The following ARHGAP8 variants were observed in gnomAD, a reference collection of about 807,000 sequenced individuals.
ARHGAP8 encodes the protein rho GTPase-activating protein 8.
A neutral mutation model predicts 46.1 loss-of-function variants in ARHGAP8; 62 were observed. The observed-to-expected ratio is 1.34, with a 90% confidence interval of 1.10 to 1.66. The LOEUF (loss-of-function observed/expected upper bound fraction) is 1.66. Among genes scored for constraint, ARHGAP8 ranks in the 40% most tolerant of loss-of-function variants. ARHGAP8 has a pLI of 0.00. For synonymous variants in ARHGAP8, 375 were observed against 243.1 expected (o/e 1.54, Z -5.05); for missense variants, 923 against 568.4 (o/e 1.62, Z -6.34).
chr22:44,757,574 G>A (rs1924783341), intron 1 of ARHGAP8, among the ~76,000 whole-genome samples: 1 of 152,166 alleles, frequency 6.6e-6, no homozygotes, highest in Admixed American at 6.5e-5. Context: ...ACCATGCCTG[G>A]CCCTTTGATC....
chr22:44,825,510 C>A lies in ARHGAP8; in HGVS notation c.513C>A (p.His171Gln). 1 of 1,613,384 alleles carries A rather than the reference C, an allele frequency of 6.2e-7. No homozygotes were observed. Among genetic ancestry groups the A allele is most frequent in the Non-Finnish European group, 8.5e-7 (1 of 1,179,826 alleles). Residue 171 changes from histidine to glutamine, a missense_variant, in exon 7 of 12, where the codon CAC becomes CAA. Coordinates refer to ENST00000356099, the MANE Select transcript of ARHGAP8 (RefSeq NM_181335.3). Reference sequence around the variant, plus strand: ...ACGATGAGAAGCTCCAGAGCCTGCACGAGGGCCGGACGCCGCCTCCCACCA... The same window carrying A: ...ACGATGAGAAGCTCCAGAGCCTGCAAGAGGGCCGGACGCCGCCTCCCACCA... ...LRYDEKLQSL[H>Q]EGRTPPPTKT...
At chr22:44,859,199 TCTGAGTCCCCA>T (rs1370438904) in intron 10 of ARHGAP8, among the ~76,000 whole-genome samples, 1 of 152,138 alleles carries the variant, frequency 6.6e-6, no homozygotes, top group Non-Finnish European at 1.5e-5. Flanking sequence ...AGGGCTTGGA[TCTGAGTCCCCA>T]GCGCGTCTCA....
At chr22:44,856,807 C>A (rs552583385) in intron 10 of ARHGAP8, among the ~76,000 whole-genome samples, 1 of 144,194 alleles carries the variant, frequency 6.9e-6, no homozygotes, top group South Asian at 2.1e-4. Context: ...GCGCTGAAGT[C>A]AAAACCAAAG....
At chr22:44,850,792 C>G (rs2070072395) in intron 10 of ARHGAP8, 1 of 152,062 alleles carries the variant, frequency 6.6e-6, no homozygotes, top group South Asian at 2.1e-4. Flanking sequence ...TGGCAAAACC[C>G]TGTCTCTACT....
intron 10 of ARHGAP8, 24 bp from the exon 11 acceptor site, chr22:44,859,707 G>C (rs759600648): frequency 1.2e-6 from 2 of 1,610,634 alleles, no homozygotes; most frequent in East Asian, 2.2e-5. Context: ...CTGGAGCTCA[G>C]CAGGGAGCCC....
In ARHGAP8 at chr22:44,821,180, C is replaced by T. The variant is rs1449972334; in HGVS notation, c.387-1191C>T. On this transcript the variant is annotated intron_variant, in intron 5 of 11. Coordinates refer to ENST00000356099, the MANE Select transcript of ARHGAP8 (RefSeq NM_181335.3). ...GGCACGGTGGCTCATGCCTGTAATC[C>T]CAGCACTTTGGGAGGCCAAGGCGGG... 2.6e-5 allele frequency among the ~76,000 whole-genome samples: 4 copies of T among 152,056 alleles called. No individual in the cohort carries two copies. In the East Asian group the frequency reaches 7.7e-4, roughly 29 times the overall value.
intron 1 of ARHGAP8, among the ~76,000 whole-genome samples, chr22:44,757,342 A>G (rs1924764658): frequency 6.6e-6 from 1 of 151,138 alleles, no homozygotes; most frequent in South Asian, 2.1e-4. Context: ...CAATGATGCC[A>G]TCTCAGCTCA....
chr22:44,853,949 C>G (rs563345623), intron 10 of ARHGAP8, among the ~76,000 whole-genome samples: 1 of 143,502 alleles, frequency 7.0e-6, no homozygotes, highest in Admixed American at 7.3e-5. Flanking sequence ...ATCGCTTGAA[C>G]CCGGGAGGCA....
intron 4 of ARHGAP8, among the ~76,000 whole-genome samples, chr22:44,811,433 A>G (rs998027969): frequency 2.0e-5 from 3 of 152,192 alleles, no homozygotes; most frequent in East Asian, 1.9e-4. Context: ...GTGACTTCCA[A>G]TCGGCGGTCA....
rs779361914 is a variant in ARHGAP8 at position 44,848,204 on chromosome 22, A to AG, written c.748+158dup. On this transcript the variant is annotated intron_variant, in intron 9 of 11. Transcript: ENST00000356099. ...GGGGGCAGCTTCCCAGGAGGCATCGAGGGGCCCACTGGTAGTCCAGAGTGG... is the reference window on the plus strand; with the variant it reads ...GGGGGCAGCTTCCCAGGAGGCATCGAGGGGGCCCACTGGTAGTCCAGAGTGG... Among the ~76,000 whole-genome samples, 11 of 152,302 alleles carry AG rather than the reference A, an allele frequency of 7.2e-5. 1 individual carries two copies. The East Asian group carries it at 2.1e-3, about 29-fold the overall frequency.
At chr22:44,812,518 G>A (rs866315933) in intron 4 of ARHGAP8, among the ~76,000 whole-genome samples, 5 of 151,716 alleles carry the variant, frequency 3.3e-5, no homozygotes, top group African/African-American at 7.3e-5. Context: ...TACCACGCCC[G>A]GCTAATTTTT....
At chr22:44,813,780 C>T (rs1332166202) in intron 4 of ARHGAP8, among the ~76,000 whole-genome samples, 1 of 131,186 alleles carries the variant, frequency 7.6e-6, no homozygotes, top group Non-Finnish European at 1.6e-5. Context: ...CACCTACATA[C>T]ACCTACACAC....
chr22:44,790,512 C>T (rs777490683), intron 2 of ARHGAP8, among the ~76,000 whole-genome samples: 3 of 151,694 alleles, frequency 2.0e-5, no homozygotes, highest in African/African-American at 7.3e-5. Context: ...CCCGTCTCTA[C>T]TAAAAATACA....
intron 1 of ARHGAP8, among the ~76,000 whole-genome samples, chr22:44,784,785 C>T (rs1259009976): frequency 1.3e-5 from 2 of 152,216 alleles, no homozygotes; most frequent in Non-Finnish European, 2.9e-5. Context: ...TTCTGCCCGA[C>T]GCAGGGGCTT....
chr22:44,778,146 G>T lies in ARHGAP8; in HGVS notation c.-71-8311G>T, dbSNP rs59744671. ...ACCCATCACCTGAGCAGTATACATT[G>T]CATTCAATGTGTAGTCTTTTATCCC... On this transcript the variant is annotated intron_variant, in intron 1 of 11. Transcript: ENST00000356099. 1.1e-3 allele frequency among the ~76,000 whole-genome samples: 172 copies of T among 152,084 alleles called. 1 individual carries two copies. The highest frequency in any genetic ancestry group is 5.4e-3 in the East Asian group (28 of 5,182).
chr22:44,809,274 T>C (rs1569156316), intron 4 of ARHGAP8: 2 of 434,720 alleles, frequency 4.6e-6, no homozygotes, highest in Admixed American at 2.7e-5. Flanking sequence ...TGAAATATTC[T>C]TCTGTTTTTT....
At chr22:44,776,878 C>T (rs1220658617) in intron 1 of ARHGAP8, among the ~76,000 whole-genome samples, 1 of 152,014 alleles carries the variant, frequency 6.6e-6, no homozygotes, top group South Asian at 2.1e-4. Context: ...CTCCCTGTAT[C>T]CCCCCTGCCT....
intron 2 of ARHGAP8, among the ~76,000 whole-genome samples, chr22:44,799,049 G>T (rs536401056): frequency 6.6e-6 from 1 of 152,282 alleles, no homozygotes; most frequent in African/African-American, 2.4e-5. Flanking sequence ...CCTGCTCCAG[G>T]CTTCCCATCC....
intron 3 of ARHGAP8, 102 bp downstream of exon 3, chr22:44,802,266 C>A: frequency 2.1e-6 from 3 of 1,448,104 alleles, no homozygotes; most frequent in South Asian, 1.3e-5. Context: ...TGGTCTGGGG[C>A]CTCCTTTGTG....
Sources: gnomAD v4.1 joint callset for allele counts (sites outside exome capture counted in the v4.1 genomes callset) on GRCh38, gnomAD v4.1.1 for gene constraint, MANE v1.5 for transcripts, NCBI Gene and HGNC (gene_info 2026-07-23, HGNC 2026-07-21) for gene names.